Variants in PITX3 observed in about 807,000 individuals in gnomAD.
PITX3 encodes pituitary homeobox 3.
A neutral mutation model predicts 14.2 loss-of-function variants in PITX3; 4 were observed. The observed-to-expected ratio is 0.28, with a 90% CI of 0.14 to 0.65. PITX3 has a LOEUF of 0.65. Ranked by LOEUF, PITX3 falls within the 30% of genes least tolerant of loss-of-function variation. The probability of loss-of-function intolerance (pLI) is 0.82; values close to 1 mark genes in which losing one functional copy is unlikely to be tolerated. For missense variants in PITX3, 358 were observed against 426.8 expected (o/e 0.84, Z 1.42); for synonymous variants, 194 against 204.5 (o/e 0.95, Z 0.44).
At chr10:102,238,567 C>T (rs1307073029) in intron 1 of PITX3, among the ~76,000 whole-genome samples, 1 of 152,212 alleles carries the variant, frequency 6.6e-6, no homozygotes, top group Non-Finnish European at 1.5e-5. Flanking sequence ...GATTAGGCTG[C>T]TCTAAGTCTC....
In PITX3 at chr10:102,230,846, A is replaced by C. The variant is rs1183819733; in HGVS notation, c.577T>G (p.Ser193Ala). Residue 193 changes from serine to alanine, a missense_variant, in exon 4 of 4, where the codon TCC (serine) becomes GCC (alanine). Around this residue, in one of 3 missense-constraint regions of PITX3, gnomAD observed 236 missense variants for 250.2 expected, o/e 0.94. Coordinates refer to ENST00000370002, the MANE Select transcript of PITX3 (RefSeq NM_005029.4). The part of the protein sequence containing the change: ...ASQPVFSPPS[S>A]IAASMVPSAA... ...GAGGGCACCATGGAGGCGGCGATGG[A>C]GCTGGGTGGCGAGAAGACGGGCTGC... 4 of 1,591,698 alleles carry C rather than the reference A, an allele frequency of 2.5e-6. No individual in the cohort carries two copies. The African/African-American group carries it at 5.4e-5, about 21-fold the overall frequency.
chr10:102,236,635 G>C (rs2070402409), intron 1 of PITX3, among the ~76,000 whole-genome samples: 1 of 152,190 alleles, frequency 6.6e-6, no homozygotes, highest in African/African-American at 2.4e-5. Flanking sequence ...AGGCCACAGT[G>C]GGGAGGCCAT....
chr10:102,231,469 AGGGTCCG>A (rs1360135635), intron 3 of PITX3, 112 bp downstream of exon 3: 17 of 650,792 alleles, frequency 2.6e-5, no homozygotes, highest in East Asian at 2.0e-4. Context: ...GCCGGGAGCC[AGGGTCCG>A]GGGTCCGGGG....
intron 3 of PITX3, 143 bp downstream of exon 3, chr10:102,231,445 C>A: frequency 1.6e-6 from 1 of 636,240 alleles, no homozygotes; most frequent in Non-Finnish European, 2.7e-6. Flanking sequence ...GGCAAGAGAC[C>A]GCGTGGGGCT....
chr10:102,236,085 G>C (rs1218941450), intron 1 of PITX3, among the ~76,000 whole-genome samples: 1 of 152,220 alleles, frequency 6.6e-6, no homozygotes, highest in Non-Finnish European at 1.5e-5. Context: ...AGAGATGGAA[G>C]GGTGGGGGCA....
intron 1 of PITX3, 29 bp from the exon 2 acceptor site, chr10:102,232,121 G>A: frequency 8.0e-7 from 1 of 1,247,106 alleles, no homozygotes; most frequent in African/African-American, 1.5e-5. Context: ...ACAGACCAGG[G>A]TAATGGGGGT....
At chr10:102,231,126 C>T in intron 3 of PITX3, 25 bp from the exon 4 acceptor site, 1 of 1,506,078 alleles carries the variant, frequency 6.6e-7, no homozygotes, top group Non-Finnish European at 8.8e-7. Context: ...GAAAGGCGGT[C>T]AGGGCCCGGG....
chr10:102,238,280 G>A (rs1161087096), intron 1 of PITX3, among the ~76,000 whole-genome samples: 1 of 152,180 alleles, frequency 6.6e-6, no homozygotes, highest in Non-Finnish European at 1.5e-5. Context: ...TAGTGTGAAT[G>A]GAGAAGAAAA....
chr10:102,231,528 G>C (rs1266835808), intron 3 of PITX3, 60 bp downstream of exon 3: 16 of 1,162,848 alleles, frequency 1.4e-5, no homozygotes, highest in Non-Finnish European at 2.0e-5. Flanking sequence ...CTGGCCTCCG[G>C]GTCGCAGGCT....
At chr10:102,235,705 G>C (rs1162153891) in intron 1 of PITX3, among the ~76,000 whole-genome samples, 1 of 152,142 alleles carries the variant, frequency 6.6e-6, no homozygotes, top group Non-Finnish European at 1.5e-5. Flanking sequence ...AGGGTGGAGT[G>C]GTGGCTAAGA....
In PITX3 at chr10:102,230,682, CGCG is replaced by C. The variant is rs749538425; in HGVS notation, c.738_740del (p.Ala250del). 127 of 1,575,464 alleles carry C rather than the reference CGCG, an allele frequency of 8.1e-5. No individual in the cohort carries two copies. The highest frequency in any genetic ancestry group is 1.9e-4 in the East Asian group (8 of 42,762). On this transcript the variant is annotated inframe_deletion, in exon 4 of 4. Coordinates refer to ENST00000370002, the MANE Select transcript of PITX3 (RefSeq NM_005029.4). ...AGACGTAGGGGGAAGAGGCGGCAGC[CGCG>C]GCGGCGGCGGCGGCCGAGGCATAAG...
Position 102,231,583 on chromosome 10 carries a change from C to T in PITX3, c.321+5G>A. The T allele has an allele frequency of 6.3e-7, 1 of 1,581,048 alleles. No individual in the cohort carries two copies. The highest frequency in any genetic ancestry group is 8.6e-7 in the Non-Finnish European group (1 of 1,159,576). On this transcript the variant is annotated splice_donor_5th_base_variant and intron_variant, in intron 3 of 3. Coordinates refer to ENST00000370002, the MANE Select transcript of PITX3 (RefSeq NM_005029.4). ...GGGTGCGAGTCGCGGGTCTGGAGAG[C>T]ATACCCGCACGCGGGCCTCGGTGAG... is the stretch of plus-strand genomic sequence containing the variant.
chr10:102,231,130 G>C, intron 3 of PITX3, 29 bp from the exon 4 acceptor site: 4 of 1,492,472 alleles, frequency 2.7e-6, no homozygotes, highest in Non-Finnish European at 3.5e-6. Flanking sequence ...GGCGGTCAGG[G>C]CCCGGGGCCG....
In PITX3 at chr10:102,235,194, C is replaced by T. The variant is rs373978137; in HGVS notation, c.-12-3102G>A. ...CCCACCCCCCACCCCCCCACCGCCT[C>T]CCTGGCCCCTCTGAACCTCAGCTCT... On this transcript the variant is annotated intron_variant, in intron 1 of 3. Coordinates refer to ENST00000370002, the MANE Select transcript of PITX3 (RefSeq NM_005029.4). 1.5e-3 allele frequency among the ~76,000 whole-genome samples: 219 copies of T among 149,116 alleles called. 5 individuals carry two copies. In the East Asian group the frequency reaches 0.021, roughly 14 times the overall value.
chr10:102,236,355 A>G (rs1376277142), intron 1 of PITX3, among the ~76,000 whole-genome samples: 5 of 152,246 alleles, frequency 3.3e-5, no homozygotes, highest in Non-Finnish European at 4.4e-5. Context: ...GAGAGTCAGA[A>G]GATAACAGTG....
intron 3 of PITX3, 52 bp downstream of exon 3, chr10:102,231,536 G>C (rs1250925523): frequency 7.9e-7 from 1 of 1,260,848 alleles, no homozygotes; most frequent in Non-Finnish European, 1.1e-6. Flanking sequence ...CGGGTCGCAG[G>C]CTGAGCGCGG....
intron 3 of PITX3, 57 bp downstream of exon 3, chr10:102,231,531 C>G (rs919199508): frequency 1.7e-6 from 2 of 1,200,456 alleles, no homozygotes; most frequent in Admixed American, 2.0e-5. Flanking sequence ...GCCTCCGGGT[C>G]GCAGGCTGAG....
intron 1 of PITX3, among the ~76,000 whole-genome samples, chr10:102,239,765 C>A (rs1162087373): frequency 6.6e-6 from 1 of 152,228 alleles, no homozygotes; most frequent in East Asian, 1.9e-4. Context: ...TCTCCCTGTT[C>A]TGTCCTCTTC....
chr10:102,233,195 C>T (rs2070296248), intron 1 of PITX3, among the ~76,000 whole-genome samples: 1 of 151,958 alleles, frequency 6.6e-6, no homozygotes, highest in South Asian at 2.1e-4. Flanking sequence ...GAGATTCGCT[C>T]AGGGACTCAG....
Sources: gnomAD v4.1 joint callset for allele counts (sites outside exome capture counted in the v4.1 genomes callset) on GRCh38, gnomAD v4.1.1 for gene constraint, gnomAD v4.1.1 regional missense constraint, MANE v1.5 for transcripts, NCBI Gene and HGNC (gene_info 2026-07-23, HGNC 2026-07-21) for gene names.